The following LIMCH1 variants were observed in gnomAD, a reference collection of about 807,000 sequenced individuals.
The protein encoded by LIMCH1 is LIM and calponin homology domains 1, also known as LIM and calponin homology domains-containing protein 1.
Under a neutral mutation model 176.5 loss-of-function variants are expected in LIMCH1, and 113 were observed. The observed-to-expected ratio is 0.64, with a 90% CI of 0.55 to 0.75. The LOEUF (loss-of-function observed/expected upper bound fraction) is 0.75, where lower values mean the gene tolerates loss of function less well. LIMCH1 is among the 30% of genes least tolerant of loss of function. The pLI, the probability that LIMCH1 is intolerant of heterozygous loss-of-function variation, is 0.00. For synonymous variants in LIMCH1, 619 were observed against 645.9 expected (o/e 0.96, Z 0.63); for missense variants, 1,674 against 1,814.9 (o/e 0.92, Z 1.41).
chr4:41,409,310 C>A lies in LIMCH1; in HGVS notation c.96+48374C>A, dbSNP rs947278268. 4.6e-5 allele frequency among the ~76,000 whole-genome samples: 7 copies of A among 152,094 alleles called. No individual in the cohort carries two copies. The East Asian group carries it at 1.2e-3, about 25-fold the overall frequency. The stretch of plus-strand genomic sequence containing the variant: ...GAAATGTGTGGCTTGAATTTTGAGT[C>A]AGTTCATTAGGAAATATTCAGCCAA... On this transcript the variant is annotated intron_variant, in intron 1 of 26. Coordinates refer to the LIMCH1 transcript ENST00000313860.
Position 41,625,937 on chromosome 4 carries a change from A to G in LIMCH1, c.726-771A>G, listed in dbSNP as rs1228593569. Among the ~76,000 whole-genome samples, 5 of 152,136 alleles carry G rather than the reference A, an allele frequency of 3.3e-5. No individual in the cohort carries two copies. The East Asian group carries it at 9.6e-4, about 29-fold the overall frequency. Reference sequence around the variant, plus strand: ...TGGACTTCAGGGGTTCAAGCAGAAGATCTGCTCCCAAATTAGGGTATGAGA... The same window carrying G: ...TGGACTTCAGGGGTTCAAGCAGAAGGTCTGCTCCCAAATTAGGGTATGAGA... On this transcript the variant is annotated intron_variant, in intron 7 of 31. Coordinates refer to ENST00000503057, the MANE Select transcript of LIMCH1 (RefSeq NM_001330672.2).
In LIMCH1 at chr4:41,650,625, TC is replaced by T. The variant is rs1414653130; in HGVS notation, c.3036+21del. ...GAGCTCGCAGTAAGAACCAAACATTTCCCCGCCTCCCTTTGGGATAATTCCA... is the reference window on the plus strand; with the variant it reads ...GAGCTCGCAGTAAGAACCAAACATTTCCCGCCTCCCTTTGGGATAATTCCA... On this transcript the variant is annotated intron_variant, in intron 18 of 31. Coordinates refer to ENST00000503057, the MANE Select transcript of LIMCH1 (RefSeq NM_001330672.2). The T allele has an allele frequency of 6.3e-7, 1 of 1,585,772 alleles. No homozygotes were observed. Among genetic ancestry groups the T allele is most frequent in the Non-Finnish European group, 8.6e-7 (1 of 1,159,280 alleles).
rs1554040119 is a variant in LIMCH1, at chr4:41,419,689, T to TTCCTTCCG, written c.96+58760_96+58761insGTCCTTCC. Among the ~76,000 whole-genome samples the TTCCTTCCG allele has an allele frequency of 2.7e-4, 19 of 70,578 alleles. 2 individuals are homozygous for TTCCTTCCG. In the East Asian group the frequency reaches 5.5e-3, roughly 20 times the overall value. The allele number at this position is 70,578 out of a possible 152,430, so 46.3% of individuals were successfully genotyped here. ...CCTTCCTTCCTTCCTTCCTCCTTCCTTCCTTCCTTCCTTCCTTCCTTCCTT... is the reference window on the plus strand; with the variant it reads ...CCTTCCTTCCTTCCTTCCTCCTTCCTTCCTTCCGTCCTTCCTTCCTTCCTTCCTTCCTT... On this transcript the variant is annotated intron_variant, in intron 1 of 26. Coordinates refer to the LIMCH1 transcript ENST00000313860.
At chr4:41,381,177 A>G (rs1248255281) in intron 1 of LIMCH1, among the ~76,000 whole-genome samples, 1 of 152,226 alleles carries the variant, frequency 6.6e-6, no homozygotes, top group East Asian at 1.9e-4. Context: ...TATAGATTCT[A>G]GCACCAAGTG....
At chr4:41,613,784 T>A in intron 5 of LIMCH1, 123 bp downstream of exon 5, 2 of 772,426 alleles carry the variant, frequency 2.6e-6, no homozygotes, top group Non-Finnish European at 4.2e-6. Flanking sequence ...CGGAACTTAG[T>A]AATTCTATAA....
chr4:41,564,528 C>G (rs554121020), intron 1 of LIMCH1, among the ~76,000 whole-genome samples: 4 of 152,084 alleles, frequency 2.6e-5, no homozygotes, highest in African/African-American at 9.7e-5. Flanking sequence ...ACATTAAACC[C>G]GATATTTCTA....
At chr4:41,616,347 G>T (rs1420659762) in intron 5 of LIMCH1, among the ~76,000 whole-genome samples, 1 of 151,958 alleles carries the variant, frequency 6.6e-6, no homozygotes, top group Non-Finnish European at 1.5e-5. Context: ...GGCCAACCTG[G>T]TGAAACCCCA....
At chr4:41,533,213 T>C (rs1197963193), upstream of LIMCH1, among the ~76,000 whole-genome samples, 1 of 152,220 alleles carries the variant, frequency 6.6e-6, no homozygotes, top group African/African-American at 2.4e-5. Context: ...GAGATGGAAG[T>C]CACAGTCCTT....
intron 4 of LIMCH1, chr4:41,612,708 C>T (rs2091578782): frequency 1.4e-6 from 1 of 698,514 alleles, no homozygotes; most frequent in African/African-American, 1.8e-5. Context: ...CAAAGACAGC[C>T]ATTGTTCTCC....
At chr4:41,616,855 A>C (rs1284275812) in intron 5 of LIMCH1, among the ~76,000 whole-genome samples, 1 of 152,150 alleles carries the variant, frequency 6.6e-6, no homozygotes, top group Admixed American at 6.5e-5. Context: ...TCACACAGCT[A>C]GTAGATGGTA....
chr4:41,685,159 A>G (rs1719649141), intron 27 of LIMCH1, among the ~76,000 whole-genome samples: 1 of 152,238 alleles, frequency 6.6e-6, no homozygotes, highest in Admixed American at 6.5e-5. Flanking sequence ...TGGCTGACCA[A>G]ATAAATATTT....
intron 1 of LIMCH1, among the ~76,000 whole-genome samples, chr4:41,363,380 T>C (rs887952649): frequency 6.6e-6 from 1 of 152,234 alleles, no homozygotes; most frequent in Non-Finnish European, 1.5e-5. Flanking sequence ...GCTTTGTTTT[T>C]ACTTTTATTC....
chr4:41,534,602 G>A (rs1290682059), upstream of LIMCH1, among the ~76,000 whole-genome samples: 2 of 152,126 alleles, frequency 1.3e-5, no homozygotes, highest in South Asian at 2.1e-4. Context: ...TAGAAATGCT[G>A]GTTTGGAACT....
intron 20 of LIMCH1, 149 bp downstream of exon 20, chr4:41,663,133 T>TAGTGTGTGTG: frequency 1.6e-5 from 9 of 571,540 alleles, no homozygotes; most frequent in Admixed American, 3.8e-5. Context: ...TTTTTCTTTT[T>TAGTGTGTGTG]CGTGTGTGTG....
chr4:41,508,248 A>C (rs1284724737), intron 2 of LIMCH1, among the ~76,000 whole-genome samples: 1 of 152,218 alleles, frequency 6.6e-6, no homozygotes, highest in Non-Finnish European at 1.5e-5. Context: ...AGCAATGGAA[A>C]TGAAGAGGAT....
chr4:41,550,111 C>T (rs2080172765), intron 1 of LIMCH1, among the ~76,000 whole-genome samples: 1 of 151,712 alleles, frequency 6.6e-6, no homozygotes, highest in Non-Finnish European at 1.5e-5. Flanking sequence ...GGCTTCACCC[C>T]CAGTATCCTC....
chr4:41,555,158 A>G (rs544494335), intron 1 of LIMCH1, among the ~76,000 whole-genome samples: 2 of 152,222 alleles, frequency 1.3e-5, no homozygotes. Flanking sequence ...ACAAATTGCA[A>G]AAAGCAGGTT....
intron 26 of LIMCH1, among the ~76,000 whole-genome samples, chr4:41,682,672 C>CTTTTTTTTTTTTTTT (rs1479823691): frequency 9.3e-5 from 13 of 139,984 alleles, no homozygotes; most frequent in African/African-American, 2.9e-4. Context: ...TTTTTTTCTT[C>CTTTTTTTTTTTTTTT]TTCTTCTTTT....
chr4:41,442,307 C>T (rs2062789101), intron 1 of LIMCH1, among the ~76,000 whole-genome samples: 2 of 148,298 alleles, frequency 1.3e-5, no homozygotes, highest in African/African-American at 5.3e-5. Flanking sequence ...CTCAAAAATA[C>T]ATAAATAAAA....
Sources: allele counts gnomAD v4.1 joint callset (sites outside exome capture counted in the v4.1 genomes callset), GRCh38; gene constraint gnomAD v4.1.1; transcripts MANE v1.5; gene names NCBI Gene and HGNC (gene_info 2026-07-23, HGNC 2026-07-21).